ANK2: variants seen among roughly 807,000 people sequenced by gnomAD.
ANK2 encodes the protein ankyrin 2.
A neutral mutation model predicts 360.5 loss-of-function variants in ANK2; 83 were observed. The observed-to-expected ratio is 0.23, with a 90% CI of 0.19 to 0.28. The LOEUF (loss-of-function observed/expected upper bound fraction) is 0.28, where lower values mean the gene tolerates loss of function less well. Among genes scored for constraint, ANK2 ranks in the 10% least tolerant of loss-of-function variants. The pLI, the probability that ANK2 is intolerant of heterozygous loss-of-function variation, is 1.00. For synonymous variants in ANK2, 1,740 were observed against 1,759.5 expected, an observed-to-expected ratio of 0.99 and a Z score of 0.28; for missense variants, 4,201 against 4,795.7, an observed-to-expected ratio of 0.88 and a Z score of 3.66.
chr4:113,053,739 A>G (rs2068237048), intron 1 of ANK2, among the ~76,000 whole-genome samples: 1 of 152,106 alleles, frequency 6.6e-6, no homozygotes, highest in African/African-American at 2.4e-5. Context: ...GACTGCAGGC[A>G]TGTGCCACCA....
intron 2 of ANK2, among the ~76,000 whole-genome samples, chr4:112,999,672 G>A (rs76701002): frequency 1.4e-5 from 2 of 147,538 alleles, no homozygotes; most frequent in African/African-American, 2.5e-5. Flanking sequence ...AAAAAAAAAA[G>A]CAACAAAAAA....
chr4:113,348,670 A>G (rs1255256990), intron 36 of ANK2, among the ~76,000 whole-genome samples: 1 of 152,142 alleles, frequency 6.6e-6, no homozygotes, highest in Non-Finnish European at 1.5e-5. Flanking sequence ...GTCTTAGTAC[A>G]TTAAAAATGT....
chr4:112,708,953 G>A, the ANK2 span, among the ~76,000 whole-genome samples: 1 of 152,012 alleles, frequency 6.6e-6, no homozygotes, highest in Non-Finnish European at 1.5e-5. Context: ...TAAAGCTTTT[G>A]GAAAATGCTG....
intron 35 of ANK2, among the ~76,000 whole-genome samples, chr4:113,346,705 A>G (rs2094897327): frequency 6.6e-6 from 1 of 152,186 alleles, no homozygotes; most frequent in Non-Finnish European, 1.5e-5. Context: ...AAATAGTTGA[A>G]ATAGTTGATT....
chr4:112,939,751 C>T lies in ANK2; in HGVS notation c.21+35237C>T, dbSNP rs184431029. Among the ~76,000 whole-genome samples, 38 of 152,304 alleles carry T rather than the reference C, an allele frequency of 2.5e-4. 1 individual carries two copies. The highest frequency in any genetic ancestry group is 2.4e-3 in the Admixed American group (36 of 15,298). ...TGTCTTCCAGCTACCCAATGCCCTT[C>T]CTGGAAGCCACCAAGGTTATCTTTC... is the stretch of plus-strand genomic sequence containing the variant. On this transcript the variant is annotated intron_variant, in intron 2 of 30. Transcript: ENST00000503271.
At chr4:113,051,846 A>G (rs530611164) in intron 1 of ANK2, among the ~76,000 whole-genome samples, 24 of 152,342 alleles carry the variant, frequency 1.6e-4, no homozygotes, top group Middle Eastern at 3.4e-3. Flanking sequence ...GAAATAATGT[A>G]TATATGATTA....
chr4:113,364,411 T>C (rs932736843), intron 40 of ANK2, among the ~76,000 whole-genome samples: 1 of 152,256 alleles, frequency 6.6e-6, no homozygotes, highest in Non-Finnish European at 1.5e-5. Flanking sequence ...GAAGTATGCA[T>C]GTTGCTTAAA....
the ANK2 span, among the ~76,000 whole-genome samples, chr4:112,721,541 C>CAAAAAAAAAAAAAAAA: frequency 2.1e-5 from 1 of 46,888 alleles, no homozygotes; most frequent in South Asian, 1.2e-3. Flanking sequence ...GACCCCATCT[C>CAAAAAAAAAAAAAAAA]AAAAAAAAAA....
intron 13 of ANK2, among the ~76,000 whole-genome samples, chr4:113,261,480 G>C (rs2052877241): frequency 6.6e-6 from 1 of 152,018 alleles, no homozygotes; most frequent in African/African-American, 2.4e-5. Flanking sequence ...GAAAGACAAG[G>C]CTATTAAATA....
At chr4:112,788,148 A>G in the ANK2 span, 2 of 1,584,070 alleles carry the variant, frequency 1.3e-6, no homozygotes, top group East Asian at 4.5e-5. Context: ...CGAGCCACAG[A>G]CTTAGGACCC....
At chr4:113,027,907 C>T (rs1027486643) in intron 2 of ANK2, among the ~76,000 whole-genome samples, 1 of 152,042 alleles carries the variant, frequency 6.6e-6, no homozygotes, top group African/African-American at 2.4e-5. Flanking sequence ...GGTTATGTAA[C>T]ATGGTGACAT....
intron 2 of ANK2, among the ~76,000 whole-genome samples, chr4:113,189,694 T>C (rs551258969): frequency 6.6e-6 from 1 of 152,336 alleles, no homozygotes; most frequent in East Asian, 1.9e-4. Flanking sequence ...CCTCCCTTTT[T>C]GCTTCCTTTC....
chr4:112,862,029 G>A (rs1254495797), intron 1 of ANK2, among the ~76,000 whole-genome samples: 1 of 152,218 alleles, frequency 6.6e-6, no homozygotes, highest in African/African-American at 2.4e-5. Context: ...CCTGGGGCAA[G>A]TTCTTCAACT....
chr4:112,787,087 A>G, the ANK2 span, among the ~76,000 whole-genome samples: 1 of 152,152 alleles, frequency 6.6e-6, no homozygotes, highest in East Asian at 1.9e-4. Flanking sequence ...CAAGTCACAT[A>G]TATATCTTGC....
intron 41 of ANK2, 125 bp from the exon 42 acceptor site, chr4:113,367,441 G>T: frequency 3.5e-6 from 3 of 859,318 alleles, no homozygotes; most frequent in Non-Finnish European, 5.6e-6. Context: ...GTAATCCATG[G>T]GCCCATCTCA....
At chr4:113,009,026 A>G (rs1054233878) in intron 2 of ANK2, among the ~76,000 whole-genome samples, 2 of 152,190 alleles carry the variant, frequency 1.3e-5, no homozygotes, top group South Asian at 2.1e-4. Flanking sequence ...TTACAGTACA[A>G]CACACCTATC....
chr4:113,346,743 G>C (rs1055651985), intron 35 of ANK2, among the ~76,000 whole-genome samples: 1 of 152,156 alleles, frequency 6.6e-6, no homozygotes, highest in African/African-American at 2.4e-5. Flanking sequence ...CATGTTTTGA[G>C]TAGATTTAAA....
At chr4:112,711,655 A>G in the ANK2 span, among the ~76,000 whole-genome samples, 19 of 151,936 alleles carry the variant, frequency 1.3e-4, no homozygotes, top group South Asian at 3.9e-3. Flanking sequence ...TGTCTCTACT[A>G]AAAATACAAA....
At chr4:112,774,730 A>G in the ANK2 span, among the ~76,000 whole-genome samples, 1 of 152,232 alleles carries the variant, frequency 6.6e-6, no homozygotes, top group Non-Finnish European at 1.5e-5. Context: ...CGGGAGGCCA[A>G]GTCCAGTCCA....
Sources: allele counts gnomAD v4.1 joint callset (sites outside exome capture counted in the v4.1 genomes callset), GRCh38; gene constraint gnomAD v4.1.1; transcripts MANE v1.5; gene names NCBI Gene and HGNC (gene_info 2026-07-23, HGNC 2026-07-21).